The following ATRNL1 variants were observed in gnomAD, a reference collection of about 807,000 sequenced individuals.
The protein encoded by ATRNL1 is attractin-like protein 1.
In ATRNL1, 95 loss-of-function variants were observed where a neutral mutation model predicts 182.7. The observed-to-expected ratio is 0.52, with a 90% CI of 0.44 to 0.62. ATRNL1 has a LOEUF of 0.62. ATRNL1 is among the 20% of genes least tolerant of loss of function. ATRNL1 has a pLI of 0.00. For missense variants in ATRNL1, 1,471 were observed against 1,679.5 expected (o/e 0.88, Z 2.17); for synonymous variants, 576 against 568.3 (o/e 1.01, Z -0.19).
At chr10:115,890,606 G>A (rs1348318223) in intron 28 of ATRNL1, among the ~76,000 whole-genome samples, 2 of 152,086 alleles carry the variant, frequency 1.3e-5, no homozygotes, top group Non-Finnish European at 2.9e-5. Context: ...ATTATTTAGA[G>A]AAACGTACAC....
intron 17 of ATRNL1, among the ~76,000 whole-genome samples, chr10:115,312,958 T>C (rs1017551112): frequency 1.8e-4 from 28 of 152,088 alleles, no homozygotes; most frequent in Non-Finnish European, 1.3e-4. Context: ...ATTTTCTAAA[T>C]GTGCCTTTCA....
intron 27 of ATRNL1, among the ~76,000 whole-genome samples, chr10:115,731,933 T>G (rs945588234): frequency 6.6e-6 from 1 of 152,102 alleles, no homozygotes; most frequent in African/African-American, 2.4e-5. Flanking sequence ...TCTTTTGTGA[T>G]TAGCTTCTTT....
chr10:115,355,930 T>TG (rs1856484618), intron 19 of ATRNL1, among the ~76,000 whole-genome samples: 1 of 152,048 alleles, frequency 6.6e-6, no homozygotes, highest in African/African-American at 2.4e-5. Flanking sequence ...TTTTCAGTTT[T>TG]GGGGAAAAAA....
At chr10:115,442,303 C>CTCTGTG (rs782157017) in intron 21 of ATRNL1, among the ~76,000 whole-genome samples, 36 of 123,756 alleles carry the variant, frequency 2.9e-4, no homozygotes, top group African/African-American at 4.3e-4. Context: ...CTCTCTCTCT[C>CTCTGTG]TGTGTGTATG....
chr10:115,874,445 A>T (rs899067981), intron 28 of ATRNL1, among the ~76,000 whole-genome samples: 2 of 152,188 alleles, frequency 1.3e-5, no homozygotes, highest in Admixed American at 6.5e-5. Flanking sequence ...TTTTCTTTAC[A>T]GGTGTTTCTT....
At chr10:115,116,380 T>C (rs550189763) in intron 1 of ATRNL1, among the ~76,000 whole-genome samples, 4 of 152,130 alleles carry the variant, frequency 2.6e-5, no homozygotes, top group Non-Finnish European at 5.9e-5. Flanking sequence ...AGTTGAACTA[T>C]GTGCTACCTA....
At chr10:115,840,990 G>A (rs79351359) in intron 27 of ATRNL1, among the ~76,000 whole-genome samples, 2,477 of 152,188 alleles carry the variant, frequency 0.016, 84 homozygotes, top group African/African-American at 0.057. Context: ...TAGTGGTTAG[G>A]TTGCTTTTTG....
At chr10:115,196,921 T>A (rs1848384758) in intron 8 of ATRNL1, among the ~76,000 whole-genome samples, 1 of 152,124 alleles carries the variant, frequency 6.6e-6, no homozygotes, top group Non-Finnish European at 1.5e-5. Flanking sequence ...ATTTTTAGGA[T>A]CATTAGTACA....
At chr10:115,273,757 G>C (rs1851977557) in intron 13 of ATRNL1, among the ~76,000 whole-genome samples, 1 of 152,200 alleles carries the variant, frequency 6.6e-6, no homozygotes, top group Admixed American at 6.5e-5. Flanking sequence ...CTCTTGAAGT[G>C]ATAGGTCAGA....
At chr10:115,944,071 G>A (rs1357560840) in intron 28 of ATRNL1, among the ~76,000 whole-genome samples, 1 of 151,794 alleles carries the variant, frequency 6.6e-6, no homozygotes, top group Non-Finnish European at 1.5e-5. Context: ...GGGTATTTTA[G>A]GGCAGTGAAA....
intron 8 of ATRNL1, among the ~76,000 whole-genome samples, chr10:115,172,651 A>G (rs144034023): frequency 6.6e-6 from 1 of 151,952 alleles, no homozygotes; most frequent in East Asian, 1.9e-4. Flanking sequence ...TACTGTTTCT[A>G]ATGCCCACAC....
chr10:115,686,187 T>C (rs1946213755), intron 26 of ATRNL1, among the ~76,000 whole-genome samples: 1 of 152,010 alleles, frequency 6.6e-6, no homozygotes, highest in South Asian at 2.1e-4. Flanking sequence ...GTGCTATTTT[T>C]ATCTAAATTC....
intron 26 of ATRNL1, among the ~76,000 whole-genome samples, chr10:115,570,697 G>A (rs1854335011): frequency 6.6e-6 from 1 of 152,186 alleles, no homozygotes; most frequent in Non-Finnish European, 1.5e-5. Flanking sequence ...GGAGTGATGT[G>A]TTGGTAGTTT....
At chr10:115,840,901 C>T (rs1950791746) in intron 27 of ATRNL1, among the ~76,000 whole-genome samples, 1 of 151,966 alleles carries the variant, frequency 6.6e-6, no homozygotes, top group Non-Finnish European at 1.5e-5. Flanking sequence ...ATTTGGCAGG[C>T]ACAGTTGTCT....
Position 115,093,627 on chromosome 10 carries a change from A to G in ATRNL1, c.-124A>G. 1.8e-6 allele frequency: 2 copies of G among 1,124,638 alleles called. No individual in the cohort carries two copies. Among genetic ancestry groups the G allele is most frequent in the Non-Finnish European group, 1.3e-6 (1 of 784,598 alleles). 69.7% of individuals were successfully genotyped at this position (1,124,638 alleles called of 1,614,324 possible). On this transcript the variant is annotated 5_prime_UTR_variant, in exon 1 of 29. Transcript: ENST00000355044. The surrounding 1 kb of genome is among the most constrained non-coding windows in gnomAD (Gnocchi z 6.1). ...CTCCTGACCGGGGAGCGGGACTCGGACGGGCGCCGGTGAGGAGGAGGAGAA... is the reference window on the plus strand; with the variant it reads ...CTCCTGACCGGGGAGCGGGACTCGGGCGGGCGCCGGTGAGGAGGAGGAGAA...
chr10:115,373,953 T>C (rs782095081), intron 19 of ATRNL1, among the ~76,000 whole-genome samples: 3 of 151,984 alleles, frequency 2.0e-5, no homozygotes, highest in African/African-American at 4.8e-5. Context: ...TATTTATTCT[T>C]CTTTAAACAT....
intron 9 of ATRNL1, among the ~76,000 whole-genome samples, chr10:115,218,647 T>A (rs868966964): frequency 6.6e-6 from 1 of 152,196 alleles, no homozygotes; most frequent in South Asian, 2.1e-4. Flanking sequence ...TTGAAACATG[T>A]CAGAAATTCG....
intron 26 of ATRNL1, among the ~76,000 whole-genome samples, chr10:115,659,075 C>T (rs1860514556): frequency 6.6e-6 from 1 of 152,000 alleles, no homozygotes; most frequent in African/African-American, 2.4e-5. Flanking sequence ...TGTCTCCCAT[C>T]ACACATAGGG....
chr10:115,102,606 G>C (rs1344998616), intron 1 of ATRNL1, among the ~76,000 whole-genome samples: 1 of 151,990 alleles, frequency 6.6e-6, no homozygotes, highest in Non-Finnish European at 1.5e-5. Context: ...ACCTCACCTG[G>C]CTAATTTTTG....
Sources: allele counts gnomAD v4.1 joint callset (sites outside exome capture counted in the v4.1 genomes callset), GRCh38; gene constraint gnomAD v4.1.1; non-coding constraint Gnocchi (gnomAD v3.1); transcripts MANE v1.5; gene names NCBI Gene and HGNC (gene_info 2026-07-23, HGNC 2026-07-21).